Variants in KCNB2 observed in about 807,000 individuals in gnomAD.
KCNB2 encodes the protein potassium voltage-gated channel subfamily B member 2.
In KCNB2, 15 loss-of-function variants were observed where a neutral mutation model predicts 61.5. The observed-to-expected ratio is 0.24, with a 90% confidence interval of 0.16 to 0.38. The LOEUF is 0.38. Among genes scored for constraint, KCNB2 ranks in the 10% least tolerant of loss-of-function variants. KCNB2 has a pLI of 1.00. For missense variants in KCNB2, 828 were observed against 1,125.2 expected (o/e 0.74, Z 3.78); for synonymous variants, 457 against 446.0 (o/e 1.02, Z -0.31).
At chr8:72,654,186 C>T (rs1324576275) in intron 2 of KCNB2, among the ~76,000 whole-genome samples, 3 of 152,188 alleles carry the variant, frequency 2.0e-5, no homozygotes, top group African/African-American at 4.8e-5. Flanking sequence ...CTTCAGGTTT[C>T]AGGGTCTTCT....
At chr8:72,925,322 G>A (rs1342020601) in intron 2 of KCNB2, among the ~76,000 whole-genome samples, 1 of 152,192 alleles carries the variant, frequency 6.6e-6, no homozygotes, top group African/African-American at 2.4e-5. Context: ...AGTTGGAGTG[G>A]CAGAAAAATA....
intron 2 of KCNB2, among the ~76,000 whole-genome samples, chr8:72,926,509 G>A (rs1190124188): frequency 6.6e-6 from 1 of 152,038 alleles, no homozygotes; most frequent in Admixed American, 6.6e-5. Context: ...AGGTAAACGT[G>A]TGCCATGGTG....
At chr8:72,773,000 T>G (rs150739017) in intron 2 of KCNB2, among the ~76,000 whole-genome samples, 2 of 152,304 alleles carry the variant, frequency 1.3e-5, no homozygotes, top group East Asian at 3.9e-4. Context: ...AAGGGTCAGG[T>G]GGCAATGGTG....
intron 2 of KCNB2, chr8:72,751,950 T>A (rs1563579965): frequency 1.3e-5 from 2 of 152,228 alleles, no homozygotes; most frequent in African/African-American, 4.8e-5. Context: ...AAGTGTCTTC[T>A]TTAGACAGAG....
intron 2 of KCNB2, among the ~76,000 whole-genome samples, chr8:72,782,286 A>C (rs898577406): frequency 6.6e-6 from 1 of 152,204 alleles, no homozygotes; most frequent in East Asian, 1.9e-4. Flanking sequence ...TTGCTTAGAT[A>C]TAGGGAAAAA....
chr8:72,640,007 T>C (rs74478121), intron 2 of KCNB2, among the ~76,000 whole-genome samples: 2 of 151,910 alleles, frequency 1.3e-5, no homozygotes. Flanking sequence ...TTTTTTTTTT[T>C]ACTGTCTTTT....
At chr8:72,693,614 C>T (rs1806973350) in intron 2 of KCNB2, among the ~76,000 whole-genome samples, 1 of 152,124 alleles carries the variant, frequency 6.6e-6, no homozygotes, top group African/African-American at 2.4e-5. Flanking sequence ...AATATATAGG[C>T]AGTTCGTAAT....
chr8:72,800,435 A>T (rs538400861), intron 2 of KCNB2, among the ~76,000 whole-genome samples: 14 of 152,226 alleles, frequency 9.2e-5, no homozygotes, highest in African/African-American at 3.4e-4. Flanking sequence ...GATTTTTGTT[A>T]TTAAATAAAT....
chr8:72,769,807 G>A (rs1808531259), intron 2 of KCNB2, among the ~76,000 whole-genome samples: 1 of 152,148 alleles, frequency 6.6e-6, no homozygotes, highest in African/African-American at 2.4e-5. Context: ...TTGGACATCT[G>A]GCTTTGGCAA....
At chr8:72,913,754 G>T (rs1806342256) in intron 2 of KCNB2, among the ~76,000 whole-genome samples, 2 of 152,226 alleles carry the variant, frequency 1.3e-5, no homozygotes, top group Non-Finnish European at 2.9e-5. Flanking sequence ...GGTCTTATCA[G>T]ATCAGATGTT....
At chr8:72,678,023 G>A (rs1236914251) in intron 2 of KCNB2, among the ~76,000 whole-genome samples, 2 of 152,090 alleles carry the variant, frequency 1.3e-5, no homozygotes, top group Admixed American at 6.5e-5. Context: ...AATTAAAGCT[G>A]CCTCCCCTAA....
intron 2 of KCNB2, among the ~76,000 whole-genome samples, chr8:72,832,843 G>A (rs1190236854): frequency 6.6e-6 from 1 of 152,194 alleles, no homozygotes; most frequent in Non-Finnish European, 1.5e-5. Flanking sequence ...GGAGAGAAAT[G>A]CTGGGTTTAG....
Position 72,773,985 on chromosome 8 carries a change from A to T in KCNB2, c.580-161950A>T, listed in dbSNP as rs116773780. On this transcript the variant is annotated intron_variant, in intron 2 of 2. Coordinates refer to ENST00000523207, the MANE Select transcript of KCNB2 (RefSeq NM_004770.3). The stretch of plus-strand genomic sequence containing the variant: ...CAAGTCAAGTTATTAATTATACTAC[A>T]TAGTAACAATAATAACAATAATTTT... 1.3e-3 allele frequency among the ~76,000 whole-genome samples: 194 copies of T among 152,334 alleles called. 1 individual carries two copies. Among genetic ancestry groups the T allele is most frequent in the African/African-American group, 4.2e-3 (173 of 41,580 alleles).
intron 2 of KCNB2, among the ~76,000 whole-genome samples, chr8:72,587,938 T>C (rs1807025546): frequency 6.6e-6 from 1 of 152,178 alleles, no homozygotes; most frequent in South Asian, 2.1e-4. Context: ...TCATTGAAAA[T>C]CTGAAAGAGA....
chr8:72,837,144 T>G (rs979043485), intron 2 of KCNB2, among the ~76,000 whole-genome samples: 3 of 152,232 alleles, frequency 2.0e-5, no homozygotes, highest in Admixed American at 6.5e-5. Context: ...AAATCTTTAC[T>G]GATAACTACT....
intron 1 of KCNB2, among the ~76,000 whole-genome samples, chr8:72,561,705 A>G (rs1252303734): frequency 7.9e-4 from 16 of 20,240 alleles, no homozygotes; most frequent in Middle Eastern, 0.014. Flanking sequence ...ATATATATAT[A>G]TATATATATA....
rs1037159090 is a variant in KCNB2, at chr8:72,786,484, T to C, written c.580-149451T>C. On this transcript the variant is annotated intron_variant, in intron 2 of 2. Transcript: ENST00000523207. ...TTCAAACAACCATCCTAAAGTACTT[T>C]GTAAGACTGCAATATGAGATTGGTT... Among the ~76,000 whole-genome samples the C allele has an allele frequency of 2.0e-5, 3 of 152,194 alleles. No individual in the cohort carries two copies. The South Asian group carries it at 6.2e-4, about 31-fold the overall frequency.
chr8:72,625,629 C>T (rs946723002), intron 2 of KCNB2, among the ~76,000 whole-genome samples: 5 of 152,116 alleles, frequency 3.3e-5, no homozygotes, highest in African/African-American at 1.2e-4. Context: ...CAGGGTCTCA[C>T]TTTATTGCCC....
At chr8:72,657,689 G>A (rs892283288) in intron 2 of KCNB2, among the ~76,000 whole-genome samples, 4 of 152,160 alleles carry the variant, frequency 2.6e-5, no homozygotes, top group East Asian at 1.9e-4. Flanking sequence ...GAGGAAATTC[G>A]AAATTACTTT....
Sources: allele counts gnomAD v4.1 joint callset (sites outside exome capture counted in the v4.1 genomes callset), GRCh38; gene constraint gnomAD v4.1.1; transcripts MANE v1.5; gene names NCBI Gene and HGNC (gene_info 2026-07-23, HGNC 2026-07-21).